Variants in STX19 observed in about 807,000 individuals in gnomAD.
The protein encoded by STX19 is syntaxin 19, also known as syntaxin-19.
Under a neutral mutation model 24.3 loss-of-function variants are expected in STX19, and 26 were observed. The ratio of observed to expected loss-of-function variants is 1.07; its 90% confidence interval spans 0.78 to 1.48. The LOEUF is 1.48. Ranked by LOEUF, STX19 falls within the 40% of genes most tolerant of loss-of-function variation. The pLI, the probability that STX19 is intolerant of heterozygous loss-of-function variation, is 0.00. For missense variants in STX19, 367 were observed against 331.9 expected (o/e 1.11, Z -0.82); for synonymous variants, 116 against 106.9 (o/e 1.09, Z -0.52).
chr3:94,021,990 C>T (rs1163176718), intron 1 of STX19, among the ~76,000 whole-genome samples: 2 of 152,134 alleles, frequency 1.3e-5, no homozygotes, highest in Admixed American at 6.5e-5. Flanking sequence ...CGTACCACAT[C>T]CCCTTTCCAA....
chr3:94,015,012 A>ACTT lies in STX19; in HGVS notation c.257_258insAAG (p.Phe85_Ser86insArg). ...TAATGGTAGACTCTCTCTTAAGTAG[A>ACTT]CTAAACCTTCTCATTGAAGCCACCA... On this transcript the variant is annotated inframe_insertion, in exon 2 of 2. Transcript: ENST00000315099. The ACTT allele has an allele frequency of 6.2e-7, 1 of 1,614,050 alleles. No homozygotes were observed. The highest frequency in any genetic ancestry group is 1.3e-5 in the African/African-American group (1 of 75,036).
chr3:94,019,944 G>C (rs1271913958), intron 1 of STX19, among the ~76,000 whole-genome samples: 1 of 152,148 alleles, frequency 6.6e-6, no homozygotes, highest in Non-Finnish European at 1.5e-5. Context: ...TCCTGAGTTA[G>C]GATGTTCTTT....
chr3:94,022,367 C>T (rs1156897121), intron 1 of STX19, among the ~76,000 whole-genome samples: 1 of 152,084 alleles, frequency 6.6e-6, no homozygotes, highest in East Asian at 1.9e-4. Context: ...CTCAAGTGAT[C>T]CACCCGCCTC....
At chr3:94,021,173 T>G (rs1220467952) in intron 1 of STX19, among the ~76,000 whole-genome samples, 3 of 148,408 alleles carry the variant, frequency 2.0e-5, no homozygotes, top group Non-Finnish European at 4.5e-5. Context: ...TCTTTCGTGT[T>G]TAATATTATT....
intron 1 of STX19, among the ~76,000 whole-genome samples, chr3:94,021,561 G>A (rs1402005045): frequency 6.6e-6 from 1 of 152,154 alleles, no homozygotes; most frequent in South Asian, 2.1e-4. Context: ...AAACTATTGG[G>A]AAGTAATGTG....
At chr3:94,021,441 C>T (rs1024977805) in intron 1 of STX19, among the ~76,000 whole-genome samples, 2 of 151,878 alleles carry the variant, frequency 1.3e-5, no homozygotes, top group Non-Finnish European at 2.9e-5. Flanking sequence ...GTGATCTGCC[C>T]GCCTCAGCCT....
At chr3:94,021,792 T>C (rs917858589) in intron 1 of STX19, among the ~76,000 whole-genome samples, 2 of 152,204 alleles carry the variant, frequency 1.3e-5, no homozygotes, top group African/African-American at 2.4e-5. Flanking sequence ...TATTACTATA[T>C]TGATGCTGAA....
intron 1 of STX19, among the ~76,000 whole-genome samples, chr3:94,023,490 T>G (rs1322428953): frequency 6.6e-6 from 1 of 151,376 alleles, no homozygotes; most frequent in Non-Finnish European, 1.5e-5. Context: ...ACGGTCTTGC[T>G]TTTTTTTTAA....
At position 94,015,074 on chromosome 3, in the gene STX19, CT is replaced by C. The variant is rs765940028; in HGVS notation, c.195del (p.Asp66IlefsTer17). The C allele has an allele frequency of 6.2e-7, 1 of 1,613,950 alleles. No individual in the cohort carries two copies. Among genetic ancestry groups the C allele is most frequent in the South Asian group, 1.1e-5 (1 of 91,024 alleles). On this transcript the variant is annotated frameshift_variant, in exon 2 of 2. Coordinates refer to ENST00000315099, the MANE Select transcript of STX19 (RefSeq NM_001001850.3). LOFTEE classifies it high-confidence loss of function. ...QKLQESINNLADNVQKFGQQQ... is the reference protein window; with the variant it reads ...QKLQESINNLXDNVQKFGQQQ... ...TGCTGCCCAAATTTTTGAACATTATCTGCCAAATTGTTAATACTTTCCTGTA... is the reference window on the plus strand; with the variant it reads ...TGCTGCCCAAATTTTTGAACATTATCGCCAAATTGTTAATACTTTCCTGTA...
chr3:94,014,816 T>C lies in STX19; in HGVS notation c.454A>G (p.Asn152Asp), dbSNP rs776804365. The change falls in exon 2 of 2, where the codon AAT (asparagine) becomes GAT (aspartate). Residue 152 changes from asparagine to aspartate, a missense_variant. Physicochemically the swap from Asn to Asp is conservative, Grantham distance 23. Transcript: ENST00000315099. ...RHFQQIMFIY[N>D]DTIAAKQEKC... is the part of the protein sequence containing the mutation. ...TCTTGCTTTGCTGCTATTGTGTCAT[T>C]GTATATAAACATGATTTGCTGAAAA... The C allele has an allele frequency of 6.2e-6, 10 of 1,614,012 alleles. No individual in the cohort carries two copies. The South Asian group carries it at 8.8e-5, about 14-fold the overall frequency.
At chr3:94,016,953 C>T (rs2076346561) in intron 1 of STX19, among the ~76,000 whole-genome samples, 1 of 152,076 alleles carries the variant, frequency 6.6e-6, no homozygotes, top group Non-Finnish European at 1.5e-5. Flanking sequence ...CCTAATTAAG[C>T]TTTCTGTCAG....
intron 1 of STX19, among the ~76,000 whole-genome samples, chr3:94,023,627 A>C (rs982332394): frequency 3.3e-5 from 5 of 152,166 alleles, no homozygotes; most frequent in African/African-American, 1.2e-4. Context: ...GGGAATTTTA[A>C]AGTGACTTGC....
Position 94,017,206 on chromosome 3 carries a change from A to G in STX19, c.-13-1924T>C, listed in dbSNP as rs574319679. 3.9e-5 allele frequency among the ~76,000 whole-genome samples: 6 copies of G among 152,214 alleles called. No individual in the cohort carries two copies. In the South Asian group the frequency reaches 1.0e-3, roughly 26 times the overall value. ...AAATAAATGGTAATATTTGTCCTGT[A>G]AAAGAGAAGATGTAGGGTGTGTATA... is the stretch of plus-strand genomic sequence containing the variant. On this transcript the variant is annotated intron_variant, in intron 1 of 1. Coordinates refer to ENST00000315099, the MANE Select transcript of STX19 (RefSeq NM_001001850.3).
At chr3:94,019,584 GC>G (rs925985538) in intron 1 of STX19, among the ~76,000 whole-genome samples, 6 of 127,590 alleles carry the variant, frequency 4.7e-5, no homozygotes, top group African/African-American at 1.8e-4. Flanking sequence ...CCCCCATCCT[GC>G]CCCCACCACA....
Position 94,019,557 on chromosome 3 carries a change from C to G in STX19, c.-13-4275G>C, listed in dbSNP as rs1299477756. Reference sequence around the variant, plus strand: ...GTCTCCTAAGTGTTCTCCTTGTTTCCTTTTTGCACCAACTACCCCCCATCC... The same window carrying G: ...GTCTCCTAAGTGTTCTCCTTGTTTCGTTTTTGCACCAACTACCCCCCATCC... On this transcript the variant is annotated intron_variant, in intron 1 of 1. Coordinates refer to ENST00000315099, the MANE Select transcript of STX19 (RefSeq NM_001001850.3). 2.6e-5 allele frequency among the ~76,000 whole-genome samples: 4 copies of G among 152,058 alleles called. No homozygotes were observed. In the East Asian group the frequency reaches 5.8e-4, roughly 22 times the overall value.
rs531200363 is a variant in STX19, at chr3:94,022,373, G to A, written c.-14+5994C>T. Among the ~76,000 whole-genome samples the A allele has an allele frequency of 3.9e-5, 6 of 152,132 alleles. No homozygotes were observed. The South Asian group carries it at 8.3e-4, about 21-fold the overall frequency. ...ACTCCTAACCTCAAGTGATCCACCC[G>A]CCTCAGCCTCCCAAAGTGCTGGGAT... On this transcript the variant is annotated intron_variant, in intron 1 of 1. Coordinates refer to ENST00000315099, the MANE Select transcript of STX19 (RefSeq NM_001001850.3).
In STX19 at chr3:94,014,901, A is replaced by G. The variant is rs537158321; in HGVS notation, c.369T>C (p.Asn123=). ...VKEVKKSEVE[N]GPSSVVTRIL... The stretch of plus-strand genomic sequence containing the variant: ...TCCTTGTGACCACTGAAGATGGACC[A>G]TTTTCAACCTCTGACTTTTTAACTT... The change falls in exon 2 of 2, where the codon AAT becomes AAC. Residue 123 remains asparagine (N), a synonymous_variant. Transcript: ENST00000315099. 9.3e-6 allele frequency: 15 copies of G among 1,613,550 alleles called. No individual in the cohort carries two copies. The South Asian group carries it at 1.4e-4, about 15-fold the overall frequency.
At position 94,015,279 on chromosome 3, in the gene STX19, C is replaced by T. The variant is rs2076308012; in HGVS notation, c.-10G>A. The T allele has an allele frequency of 6.6e-7, 1 of 1,515,556 alleles. No individual in the cohort carries two copies. The highest frequency in any genetic ancestry group is 8.8e-7 in the Non-Finnish European group (1 of 1,139,122). 93.9% of individuals were successfully genotyped at this position (1,515,556 alleles called of 1,614,324 possible). A position where few individuals can be genotyped will look rare whatever the true frequency, so the allele number is the denominator to read the frequency against. On this transcript the variant is annotated 5_prime_UTR_variant, in exon 2 of 2. Transcript: ENST00000315099. Reference sequence around the variant, plus strand: ...GAAGTCGGTCTTTCATCTTCCCTTTCCTCCTAAGAAGCAAAAATTTTTGTG... The same window carrying T: ...GAAGTCGGTCTTTCATCTTCCCTTTTCTCCTAAGAAGCAAAAATTTTTGTG...
In STX19 at chr3:94,015,137, G is replaced by C; in HGVS notation, c.133C>G (p.Pro45Ala). The stretch of plus-strand genomic sequence containing the variant: ...TCATGTAGGTGTCTCTCAGCTACAG[G>C]CTCTCTTTCATAAATAACAGCTTGC... ...LQQAVIYERE[P>A]VAERHLHEIQ... The change falls in exon 2 of 2, where the codon CCT (proline) becomes GCT (alanine). Residue 45 changes from proline (P) to alanine (A), a missense_variant. Physicochemically the swap from Pro to Ala is conservative, Grantham distance 27. Transcript: ENST00000315099. 1 of 1,613,912 alleles carries C rather than the reference G, an allele frequency of 6.2e-7. No homozygotes were observed. The highest frequency in any genetic ancestry group is 1.7e-5 in the Admixed American group (1 of 60,002).
Sources: allele counts gnomAD v4.1 joint callset (sites outside exome capture counted in the v4.1 genomes callset), GRCh38; gene constraint gnomAD v4.1.1; transcripts MANE v1.5; gene names NCBI Gene and HGNC (gene_info 2026-07-23, HGNC 2026-07-21).